Variants in LMX1A observed in about 807,000 individuals in gnomAD.
LMX1A encodes LIM homeobox transcription factor 1-alpha.
Under a neutral mutation model 49.1 loss-of-function variants are expected in LMX1A, and 15 were observed. The ratio of observed to expected loss-of-function variants is 0.31; its 90% confidence interval spans 0.20 to 0.47. The LOEUF is 0.47. Among genes scored for constraint, LMX1A ranks in the 20% least tolerant of loss-of-function variants. The pLI is 1.00. For synonymous variants in LMX1A, 167 were observed against 185.7 expected, an observed-to-expected ratio of 0.90 and a Z score of 0.82; for missense variants, 372 against 475.8, an observed-to-expected ratio of 0.78 and a Z score of 2.03.
In LMX1A at chr1:165,355,443, GGAAA is replaced by G. The variant is rs1466112436; in HGVS notation, c.76+37_76+40del. 1.2e-6 allele frequency: 2 copies of G among 1,601,752 alleles called. No individual in the cohort carries two copies. Among genetic ancestry groups the G allele is most frequent in the South Asian group, 1.1e-5 (1 of 90,260 alleles). ...GGGGCTCCAGAGCTCAGCGCCAAGCGGAAAGAGAGTGCGCCCAGGACGCACGGCC... is the reference window on the plus strand; with the variant it reads ...GGGGCTCCAGAGCTCAGCGCCAAGCGGAGAGTGCGCCCAGGACGCACGGCC... On this transcript the variant is annotated intron_variant, in intron 2 of 8. Coordinates refer to ENST00000342310, the MANE Select transcript of LMX1A (RefSeq NM_177398.4). The surrounding 1 kb of genome is among the most constrained non-coding windows in gnomAD (Gnocchi z 4.7).
At chr1:165,337,754 GAC>G (rs1359309497) in intron 3 of LMX1A, among the ~76,000 whole-genome samples, 2 of 152,106 alleles carry the variant, frequency 1.3e-5, no homozygotes, top group African/African-American at 4.8e-5. Context: ...GGTTCTCAAA[GAC>G]ACCAAGAGGA....
At chr1:165,204,068 A>AG in intron 8 of LMX1A, 28 bp from the exon 9 acceptor site, 1 of 1,611,234 alleles carries the variant, frequency 6.2e-7, no homozygotes, top group Non-Finnish European at 8.5e-7. Context: ...CACTGGCATG[A>AG]GGGTCTTGAA....
intron 3 of LMX1A, among the ~76,000 whole-genome samples, chr1:165,332,013 T>C (rs1655757098): frequency 6.6e-6 from 1 of 152,158 alleles, no homozygotes; most frequent in African/African-American, 2.4e-5. Context: ...AGTAAACAGA[T>C]GTATATAGTT....
intron 3 of LMX1A, among the ~76,000 whole-genome samples, chr1:165,288,828 A>G (rs1654373372): frequency 6.6e-6 from 1 of 152,258 alleles, no homozygotes; most frequent in South Asian, 2.1e-4. Flanking sequence ...TCCAGCAGCC[A>G]GTCTGCTACA....
At chr1:165,339,410 CTT>C (rs1655999670) in intron 3 of LMX1A, among the ~76,000 whole-genome samples, 2 of 152,334 alleles carry the variant, frequency 1.3e-5, no homozygotes, top group South Asian at 4.1e-4. Context: ...ATAGACCTGT[CTT>C]GGGGAATTGG....
chr1:165,303,869 T>C (rs1248827730), intron 3 of LMX1A, among the ~76,000 whole-genome samples: 3 of 151,982 alleles, frequency 2.0e-5, no homozygotes, highest in Non-Finnish European at 4.4e-5. Context: ...AGGAACAGAG[T>C]ATAAAGCTTT....
At chr1:165,268,207 A>G (rs1395508044) in intron 3 of LMX1A, among the ~76,000 whole-genome samples, 1 of 152,264 alleles carries the variant, frequency 6.6e-6, no homozygotes, top group Non-Finnish European at 1.5e-5. Flanking sequence ...CATATTGGAA[A>G]GAGCCTAAAG....
chr1:165,343,257 G>A (rs1367041467), intron 3 of LMX1A, among the ~76,000 whole-genome samples: 1 of 152,082 alleles, frequency 6.6e-6, no homozygotes, highest in Non-Finnish European at 1.5e-5. Context: ...CTTGCCCATG[G>A]TAACACAGCT....
intron 3 of LMX1A, among the ~76,000 whole-genome samples, chr1:165,270,305 C>T (rs964102714): frequency 1.3e-5 from 2 of 152,110 alleles, no homozygotes; most frequent in African/African-American, 4.8e-5. Flanking sequence ...TCATACCCCC[C>T]ATAAAATCAT....
At chr1:165,304,453 G>A (rs1261538802) in intron 3 of LMX1A, among the ~76,000 whole-genome samples, 1 of 152,150 alleles carries the variant, frequency 6.6e-6, no homozygotes, top group Non-Finnish European at 1.5e-5. Flanking sequence ...TCTAAACTTG[G>A]TCATCAGGAG....
At chr1:165,282,313 G>A (rs1043074850) in intron 3 of LMX1A, among the ~76,000 whole-genome samples, 3 of 152,094 alleles carry the variant, frequency 2.0e-5, no homozygotes, top group Admixed American at 6.5e-5. Context: ...GGCTCCAGAA[G>A]CCCCTCGGAT....
chr1:165,228,234 C>T (rs1389035190), intron 4 of LMX1A, among the ~76,000 whole-genome samples: 1 of 152,292 alleles, frequency 6.6e-6, no homozygotes, highest in Non-Finnish European at 1.5e-5. Flanking sequence ...TTAGATAGCC[C>T]TGCTGAAGCT....
intron 3 of LMX1A, among the ~76,000 whole-genome samples, chr1:165,338,803 G>T (rs1172231706): frequency 6.6e-6 from 1 of 152,192 alleles, no homozygotes; most frequent in Non-Finnish European, 1.5e-5. Flanking sequence ...GGCTTCCTTG[G>T]TAGCACCAAG....
chr1:165,266,844 G>A (rs1159214665), intron 3 of LMX1A, among the ~76,000 whole-genome samples: 2 of 151,886 alleles, frequency 1.3e-5, no homozygotes, highest in East Asian at 1.9e-4. Flanking sequence ...CTCATGATCC[G>A]CCTGCCTCAG....
chr1:165,344,622 G>A (rs10800088), intron 3 of LMX1A, among the ~76,000 whole-genome samples: 79,669 of 152,044 alleles, frequency 0.52, 22,719 homozygotes, highest in East Asian at 0.78. Flanking sequence ...TCTGGACTGT[G>A]ATGGACCAGG....
At position 165,295,401 on chromosome 1, in the gene LMX1A, C is replaced by T. The variant is rs559310354; in HGVS notation, c.264-45761G>A. Among the ~76,000 whole-genome samples, 10 of 148,176 alleles carry T rather than the reference C, an allele frequency of 6.7e-5. No individual in the cohort carries two copies. In the East Asian group the frequency reaches 2.0e-3, roughly 29 times the overall value. The stretch of plus-strand genomic sequence containing the variant: ...AAATTTGCCGTAATAAATAGGTAGC[C>T]CTATTATAATCAGATATAAATTAAA... On this transcript the variant is annotated intron_variant, in intron 3 of 8. Coordinates refer to ENST00000342310, the MANE Select transcript of LMX1A (RefSeq NM_177398.4).
intron 3 of LMX1A, among the ~76,000 whole-genome samples, chr1:165,257,560 C>A (rs1653294611): frequency 6.6e-6 from 1 of 152,112 alleles, no homozygotes; most frequent in African/African-American, 2.4e-5. Flanking sequence ...TGTGTGGGGA[C>A]ACTCTGACCC....
chr1:165,209,832 T>A (rs1276734721), intron 6 of LMX1A, among the ~76,000 whole-genome samples: 1 of 152,248 alleles, frequency 6.6e-6, no homozygotes, highest in Non-Finnish European at 1.5e-5. Context: ...TATAGCCAGT[T>A]GATCCGAAGC....
At chr1:165,231,439 A>T (rs1030662706) in intron 4 of LMX1A, among the ~76,000 whole-genome samples, 2 of 152,128 alleles carry the variant, frequency 1.3e-5, no homozygotes, top group Admixed American at 1.3e-4. Flanking sequence ...AGTAGCTGAG[A>T]CTAATTAGCC....
Sources: gnomAD v4.1 joint callset for allele counts (sites outside exome capture counted in the v4.1 genomes callset) on GRCh38, gnomAD v4.1.1 for gene constraint, Gnocchi (gnomAD v3.1) non-coding constraint, MANE v1.5 for transcripts, NCBI Gene and HGNC (gene_info 2026-07-23, HGNC 2026-07-21) for gene names.